Variants in TRPM3 observed in about 807,000 individuals in gnomAD.
TRPM3 encodes long transient receptor potential channel 3.
A neutral mutation model predicts 181.2 loss-of-function variants in TRPM3; 77 were observed. That is an observed-to-expected ratio of 0.42 (90% CI 0.35 to 0.51). TRPM3 has a LOEUF of 0.51. TRPM3 is among the 20% of genes least tolerant of loss of function. The pLI is 0.01. For missense variants in TRPM3, 1,759 were observed against 2,196.7 expected, an observed-to-expected ratio of 0.80 and a Z score of 3.98; for synonymous variants, 745 against 796.4, an observed-to-expected ratio of 0.94 and a Z score of 1.09.
intron 1 of TRPM3, among the ~76,000 whole-genome samples, chr9:71,393,661 A>T (rs2093118473): frequency 6.6e-6 from 1 of 151,962 alleles, no homozygotes; most frequent in Non-Finnish European, 1.5e-5. Context: ...TAACCTAGAG[A>T]CTCTTCATAC....
chr9:70,772,443 A>C (rs1414712796), intron 7 of TRPM3, among the ~76,000 whole-genome samples: 1 of 151,704 alleles, frequency 6.6e-6, no homozygotes, highest in Non-Finnish European at 1.5e-5. Flanking sequence ...TCAGCCTCCC[A>C]AGTAGCTGGG....
intron 1 of TRPM3, among the ~76,000 whole-genome samples, chr9:70,878,302 A>C (rs1321657925): frequency 6.6e-5 from 10 of 152,060 alleles, no homozygotes; most frequent in Non-Finnish European, 1.3e-4. Flanking sequence ...CTGTGGAGTT[A>C]ATTGTACTTC....
At chr9:70,983,370 A>C (rs942506007) in intron 1 of TRPM3, among the ~76,000 whole-genome samples, 2 of 151,996 alleles carry the variant, frequency 1.3e-5, no homozygotes, top group South Asian at 4.2e-4. Context: ...GACCCTTCAA[A>C]TCAATATATC....
At chr9:70,683,550 A>G (rs1368022121) in intron 8 of TRPM3, among the ~76,000 whole-genome samples, 1 of 145,522 alleles carries the variant, frequency 6.9e-6, no homozygotes, top group African/African-American at 2.6e-5. Context: ...GTGAGCCACC[A>G]TGTATGGCCC....
chr9:71,269,369 G>T (rs2309913), intron 1 of TRPM3, among the ~76,000 whole-genome samples: 1 of 33,582 alleles, frequency 3.0e-5, no homozygotes, highest in Non-Finnish European at 6.1e-5. Context: ...CTCAGCAGGG[G>T]CATGGCAAGC....
intron 1 of TRPM3, among the ~76,000 whole-genome samples, chr9:71,107,693 ACAGTGCT>A (rs2070029379): frequency 6.6e-6 from 1 of 152,214 alleles, no homozygotes; most frequent in African/African-American, 2.4e-5. Flanking sequence ...TAAAAACAAA[ACAGTGCT>A]CATTTGACTG....
intron 1 of TRPM3, among the ~76,000 whole-genome samples, chr9:70,991,917 A>T (rs953841438): frequency 5.3e-5 from 8 of 152,168 alleles, no homozygotes; most frequent in African/African-American, 1.9e-4. Flanking sequence ...TCCTTCTGAT[A>T]AAAATGTCTT....
chr9:70,535,328 G>C lies in TRPM3; in HGVS notation c.*625C>G. 3.8e-6 allele frequency: 5 copies of C among 1,324,148 alleles called. No homozygotes were observed. Among genetic ancestry groups the C allele is most frequent in the Non-Finnish European group, 5.3e-6 (5 of 946,546 alleles). 82.0% of individuals were successfully genotyped at this position (1,324,148 alleles called of 1,614,324 possible). On this transcript the variant is annotated 3_prime_UTR_variant, in exon 26 of 26. Coordinates refer to ENST00000677713, the MANE Select transcript of TRPM3 (RefSeq NM_001366145.2). The stretch of plus-strand genomic sequence containing the variant: ...AGAAGTGAATAGATAAGAGACAGGT[G>C]AACTATGACTGTTACCTTGTTTTTT...
At chr9:71,340,229 G>A (rs986597685) in intron 1 of TRPM3, among the ~76,000 whole-genome samples, 1 of 152,180 alleles carries the variant, frequency 6.6e-6, no homozygotes, top group African/African-American at 2.4e-5. Context: ...TAAGGAAAGA[G>A]AGAAGGCTAG....
Position 71,205,517 on chromosome 9 carries a change from TG to T in TRPM3, c.183+241135del, listed in dbSNP as rs765691989. On this transcript the variant is annotated intron_variant, in intron 1 of 24. Transcript: ENST00000357533. ...GGTTAAGGAGATGAAATGGCATCCA[TG>T]GCAAGTTTGTTGGCCAAACACTTTT... Among the ~76,000 whole-genome samples, 4 of 152,262 alleles carry T rather than the reference TG, an allele frequency of 2.6e-5. No individual in the cohort carries two copies. The East Asian group carries it at 7.7e-4, about 29-fold the overall frequency.
At chr9:71,200,427 T>G (rs572691497) in intron 1 of TRPM3, among the ~76,000 whole-genome samples, 1 of 150,898 alleles carries the variant, frequency 6.6e-6, no homozygotes, top group Admixed American at 6.6e-5. Context: ...CTGGGTATCC[T>G]TGTTAACTTT....
chr9:70,755,453 C>G (rs973351485), intron 8 of TRPM3, among the ~76,000 whole-genome samples: 1 of 151,930 alleles, frequency 6.6e-6, no homozygotes, highest in South Asian at 2.1e-4. Context: ...TCACTGCAAC[C>G]TCTGCCTCCC....
At position 71,211,730 on chromosome 9, in the gene TRPM3, C is replaced by G. The variant is rs556844549; in HGVS notation, c.183+234923G>C. Among the ~76,000 whole-genome samples the G allele has an allele frequency of 1.0e-3, 156 of 152,206 alleles. 1 individual carries two copies. Among genetic ancestry groups the G allele is most frequent in the African/African-American group, 3.6e-3 (148 of 41,518 alleles). ...TTCTCCCTATATGTGTGTCTATGTTCAAATTTACCCTTTTTATAAGAACAT... is the reference window on the plus strand; with the variant it reads ...TTCTCCCTATATGTGTGTCTATGTTGAAATTTACCCTTTTTATAAGAACAT... On this transcript the variant is annotated intron_variant, in intron 1 of 24. Coordinates refer to the TRPM3 transcript ENST00000357533.
At chr9:70,796,918 C>CA (rs1292053687) in intron 6 of TRPM3, among the ~76,000 whole-genome samples, 1 of 152,002 alleles carries the variant, frequency 6.6e-6, no homozygotes, top group Non-Finnish European at 1.5e-5. Flanking sequence ...CACTTGAGCC[C>CA]AGGAGTTCAA....
intron 1 of TRPM3, among the ~76,000 whole-genome samples, chr9:70,868,308 CA>C (rs2095699565): frequency 6.6e-6 from 1 of 151,902 alleles, no homozygotes; most frequent in African/African-American, 2.4e-5. Context: ...ACATCATATT[CA>C]AGACAGAAAT....
chr9:71,272,735 TATA>T (rs2083897856), intron 1 of TRPM3, among the ~76,000 whole-genome samples: 2 of 137,702 alleles, frequency 1.5e-5, no homozygotes, highest in African/African-American at 5.2e-5. Context: ...TGTATGATCA[TATA>T]TTTTTTAGTG....
In TRPM3 at chr9:70,620,293, C is replaced by T; in HGVS notation, c.1912G>A (p.Asp638Asn). Residue 638 changes from aspartate to asparagine, a missense_variant, in exon 16 of 26, where the codon GAT (aspartate) becomes AAT (asparagine). This residue lies in a region of TRPM3 where 737 missense variants were observed against 957.4 expected (regional missense o/e 0.77). Transcript: ENST00000677713. ...AAGGGGAAGTGGTTGATCTCAGGATCATCCAAGTCAATGTCCACCTCTTCT... is the reference window on the plus strand; with the variant it reads ...AAGGGGAAGTGGTTGATCTCAGGATTATCCAAGTCAATGTCCACCTCTTCT... ...REEEVDIDLDDPEINHFPFPF... is the reference protein window; with the variant it reads ...REEEVDIDLDNPEINHFPFPF... 1 of 1,614,230 alleles carries T rather than the reference C, an allele frequency of 6.2e-7. No individual in the cohort carries two copies. Among genetic ancestry groups the T allele is most frequent in the South Asian group, 1.1e-5 (1 of 91,084 alleles).
chr9:70,662,051 G>A lies in TRPM3; in HGVS notation c.1345+19455C>T, dbSNP rs181127889. On this transcript the variant is annotated intron_variant, in intron 9 of 25. Transcript: ENST00000677713. ...ACAAGGTTACAGTTATCAAAACCGC[G>A]GGGTACTGGTATAAAAATAGGCACA... Among the ~76,000 whole-genome samples the A allele has an allele frequency of 7.2e-5, 11 of 152,026 alleles. No homozygotes were observed. In the East Asian group the frequency reaches 9.6e-4, roughly 13 times the overall value.
At position 70,685,838 on chromosome 9, in the gene TRPM3, C is replaced by T. The variant is rs145097758; in HGVS notation, c.1273-4260G>A. ...CCTAGTCAATTTATTTTTATTCTTTCTTGTTTTCTAATTAATGCATTTAAA... is the reference window on the plus strand; with the variant it reads ...CCTAGTCAATTTATTTTTATTCTTTTTTGTTTTCTAATTAATGCATTTAAA... On this transcript the variant is annotated intron_variant, in intron 8 of 25. Transcript: ENST00000677713. Among the ~76,000 whole-genome samples, 49 of 151,736 alleles carry T rather than the reference C, an allele frequency of 3.2e-4. 1 individual carries two copies. In the East Asian group the frequency reaches 9.1e-3, roughly 28 times the overall value.
Sources: allele counts gnomAD v4.1 joint callset (sites outside exome capture counted in the v4.1 genomes callset), GRCh38; gene constraint gnomAD v4.1.1; regional missense constraint gnomAD v4.1.1; transcripts MANE v1.5; gene names NCBI Gene and HGNC (gene_info 2026-07-23, HGNC 2026-07-21).